Variants in TACR3 observed in about 807,000 individuals in gnomAD.
The protein encoded by TACR3 is neuromedin-K receptor.
A neutral mutation model predicts 35.0 loss-of-function variants in TACR3; 34 were observed. The observed-to-expected ratio is 0.97, with a 90% CI of 0.74 to 1.30. TACR3 has a LOEUF of 1.30. Among genes scored for constraint, TACR3 ranks in the 50% most tolerant of loss-of-function variants. The pLI, the probability that TACR3 is intolerant of heterozygous loss-of-function variation, is 0.00. For missense variants in TACR3, 558 were observed against 591.7 expected, an observed-to-expected ratio of 0.94 and a Z score of 0.59; for synonymous variants, 233 against 221.1, an observed-to-expected ratio of 1.05 and a Z score of -0.48.
chr4:103,690,976 C>T (rs28578655), intron 1 of TACR3, among the ~76,000 whole-genome samples: 7,816 of 152,226 alleles, frequency 0.051, 697 homozygotes, highest in African/African-American at 0.18. Context: ...GAAAATTTGA[C>T]AGTATCAATT....
At chr4:103,705,765 T>C (rs1026688469) in intron 1 of TACR3, among the ~76,000 whole-genome samples, 8 of 152,056 alleles carry the variant, frequency 5.3e-5, no homozygotes, top group African/African-American at 1.9e-4. Flanking sequence ...TATTCAAAGA[T>C]TTTATGGCAA....
chr4:103,589,951 TGAAAG>T lies in TACR3; in HGVS notation c.1124_1128del (p.Pro375HisfsTer7). 6.2e-7 allele frequency: 1 copy of T among 1,613,902 alleles called. No homozygotes were observed. Among genetic ancestry groups the T allele is most frequent in the Non-Finnish European group, 8.5e-7 (1 of 1,179,864 alleles). On this transcript the variant is annotated frameshift_variant, in exon 5 of 5. Coordinates refer to ENST00000304883, the MANE Select transcript of TACR3 (RefSeq NM_001059.3). LOFTEE classifies it low-confidence loss of function (END_TRUNC). ...AGCTCATCATAGCTGGAAACTTTGA[TGAAAG>T]GACACCAGCGAAATGCTCTCTTGAA...
At chr4:103,658,610 A>G (rs1391559727) in intron 1 of TACR3, among the ~76,000 whole-genome samples, 2 of 152,144 alleles carry the variant, frequency 1.3e-5, no homozygotes, top group Non-Finnish European at 2.9e-5. Context: ...TTCAAATTCT[A>G]TTCTGACACT....
At chr4:103,719,079 T>C in intron 1 of TACR3, 49 bp downstream of exon 1, 1 of 1,610,956 alleles carries the variant, frequency 6.2e-7, no homozygotes, top group Non-Finnish European at 8.5e-7. Flanking sequence ...ACCGCCCAGT[T>C]CTTTTCTTTC....
At chr4:103,629,491 C>T (rs1164417095) in intron 3 of TACR3, among the ~76,000 whole-genome samples, 2 of 152,068 alleles carry the variant, frequency 1.3e-5, no homozygotes, top group Non-Finnish European at 2.9e-5. Flanking sequence ...TCTTATACAC[C>T]AATAGCAGAC....
At chr4:103,702,602 GTA>G (rs1222022505) in intron 1 of TACR3, among the ~76,000 whole-genome samples, 2 of 152,036 alleles carry the variant, frequency 1.3e-5, no homozygotes, top group Non-Finnish European at 2.9e-5. Context: ...ACATGCACAT[GTA>G]TGTTTATTGC....
chr4:103,650,209 G>T (rs1725558103), intron 3 of TACR3, among the ~76,000 whole-genome samples: 1 of 151,686 alleles, frequency 6.6e-6, no homozygotes, highest in Non-Finnish European at 1.5e-5. Flanking sequence ...CCTGTTCTGA[G>T]CCACCTGGAG....
chr4:103,641,218 G>C (rs1419567340), intron 3 of TACR3, among the ~76,000 whole-genome samples: 1 of 151,808 alleles, frequency 6.6e-6, no homozygotes, highest in Non-Finnish European at 1.5e-5. Context: ...TTGTAAATGT[G>C]TGGGTTCATT....
rs1724784147 is a variant in TACR3 at position 103,621,624 on chromosome 4, G to T, written c.889-29941C>A. On this transcript the variant is annotated intron_variant, in intron 3 of 4. Coordinates refer to ENST00000304883, the MANE Select transcript of TACR3 (RefSeq NM_001059.3). The stretch of plus-strand genomic sequence containing the variant: ...AATTTGAAGGTCCTTGTCATTCATT[G>T]AACATTGATTAAGGAAAGGGAAAAG... Among the ~76,000 whole-genome samples the T allele has an allele frequency of 4.6e-5, 7 of 152,160 alleles. No individual in the cohort carries two copies. The South Asian group carries it at 1.4e-3, about 32-fold the overall frequency.
chr4:103,689,650 T>A (rs1722354364), intron 1 of TACR3, among the ~76,000 whole-genome samples: 2 of 151,782 alleles, frequency 1.3e-5, no homozygotes, highest in South Asian at 2.1e-4. Context: ...AGGAAAAAAA[T>A]TTAACAAGGA....
chr4:103,621,173 A>G (rs190915489), intron 3 of TACR3, among the ~76,000 whole-genome samples: 3 of 152,346 alleles, frequency 2.0e-5, no homozygotes, highest in African/African-American at 7.2e-5. Context: ...CTAGAAGAAT[A>G]GCTGTCTGTG....
At chr4:103,607,641 A>T (rs143911729) in intron 3 of TACR3, among the ~76,000 whole-genome samples, 76 of 152,260 alleles carry the variant, frequency 5.0e-4, no homozygotes, top group African/African-American at 1.8e-3. Context: ...TTGTATACTT[A>T]GATTGAACAT....
chr4:103,588,939 C>G lies in TACR3; in HGVS notation c.*743G>C, dbSNP rs1379068787. On this transcript the variant is annotated 3_prime_UTR_variant, in exon 5 of 5. Coordinates refer to ENST00000304883, the MANE Select transcript of TACR3 (RefSeq NM_001059.3). ...GGAATTTTCTTCATATTTTTAGGGT[C>G]TTAACTGACTACTTTTTAGCTTGGT... 1 of 151,912 alleles carries G rather than the reference C, an allele frequency of 6.6e-6. No homozygotes were observed. Among genetic ancestry groups the G allele is most frequent in the Non-Finnish European group, 1.5e-5 (1 of 67,928 alleles). The allele number at this position is 151,912 out of a possible 1,614,324, so 9.4% of individuals were successfully genotyped here. A position where few individuals can be genotyped will look rare whatever the true frequency, so the allele number is the denominator to read the frequency against.
Position 103,719,775 on chromosome 4 carries a change from C to G in TACR3, c.-100G>C, listed in dbSNP as rs542687510. 4 of 1,478,728 alleles carry G rather than the reference C, an allele frequency of 2.7e-6. No homozygotes were observed. Among genetic ancestry groups the G allele is most frequent in the Non-Finnish European group, 3.7e-6 (4 of 1,086,052 alleles). 91.6% of individuals were successfully genotyped at this position (1,478,728 alleles called of 1,614,324 possible). A position where few individuals can be genotyped will look rare whatever the true frequency, so the allele number is the denominator to read the frequency against. On this transcript the variant is annotated 5_prime_UTR_variant, in exon 1 of 5. Coordinates refer to ENST00000304883, the MANE Select transcript of TACR3 (RefSeq NM_001059.3). ...CTCTGCCTCCTGGTCACTTTGGTGCCGGAGTCTTCAGATAAGACTGGAAGC... is the reference window on the plus strand; with the variant it reads ...CTCTGCCTCCTGGTCACTTTGGTGCGGGAGTCTTCAGATAAGACTGGAAGC...
At chr4:103,650,700 T>TA (rs145216156) in intron 3 of TACR3, among the ~76,000 whole-genome samples, 43,241 of 55,836 alleles carry the variant, frequency 0.77, 16,102 homozygotes, top group East Asian at 0.92. Flanking sequence ...AATATATATT[T>TA]ATATATATAA....
chr4:103,638,536 A>G (rs1171798127), intron 3 of TACR3, among the ~76,000 whole-genome samples: 1 of 152,088 alleles, frequency 6.6e-6, no homozygotes, highest in Non-Finnish European at 1.5e-5. Flanking sequence ...ATGGGCAAGG[A>G]CTTCATGTCT....
intron 1 of TACR3, among the ~76,000 whole-genome samples, chr4:103,701,835 C>T (rs1166597742): frequency 6.6e-6 from 1 of 152,162 alleles, no homozygotes; most frequent in East Asian, 1.9e-4. Flanking sequence ...GCTGGGAAAA[C>T]TGGCTAGCCA....
rs1378644599 is a variant in TACR3 at position 103,637,828 on chromosome 4, C to T, written c.888+18366G>A. Among the ~76,000 whole-genome samples, 8 of 152,228 alleles carry T rather than the reference C, an allele frequency of 5.3e-5. No individual in the cohort carries two copies. In the South Asian group the frequency reaches 1.7e-3, roughly 32 times the overall value. Reference sequence around the variant, plus strand: ...CAGAGAGCCAAATCATGAGTGAACTCCCTTTCACAATTGCTACAAAGAGAA... The same window carrying T: ...CAGAGAGCCAAATCATGAGTGAACTTCCTTTCACAATTGCTACAAAGAGAA... On this transcript the variant is annotated intron_variant, in intron 3 of 4. Coordinates refer to ENST00000304883, the MANE Select transcript of TACR3 (RefSeq NM_001059.3).
rs572382697 is a variant in TACR3, at chr4:103,675,826, C to T, written c.549-17423G>A. 7.9e-5 allele frequency among the ~76,000 whole-genome samples: 12 copies of T among 152,008 alleles called. No individual in the cohort carries two copies. In the South Asian group the frequency reaches 2.3e-3, roughly 29 times the overall value. On this transcript the variant is annotated intron_variant, in intron 1 of 4. Coordinates refer to ENST00000304883, the MANE Select transcript of TACR3 (RefSeq NM_001059.3). ...CAAAGAGCAAGGGACCCTATTGGTG[C>T]AATCCACACAGGTATTTAGCCTGAG...
Sources: allele counts gnomAD v4.1 joint callset (sites outside exome capture counted in the v4.1 genomes callset), GRCh38; gene constraint gnomAD v4.1.1; transcripts MANE v1.5; gene names NCBI Gene and HGNC (gene_info 2026-07-23, HGNC 2026-07-21).